The following CD226 variants were observed in gnomAD, a reference collection of about 807,000 sequenced individuals.
CD226 encodes the protein CD226 antigen.
A neutral mutation model predicts 34.9 loss-of-function variants in CD226; 24 were observed. The ratio of observed to expected loss-of-function variants is 0.69; its 90% CI spans 0.50 to 0.97. CD226 has a LOEUF of 0.97. Ranked by LOEUF, CD226 falls within the 50% of genes least tolerant of loss-of-function variation. The pLI, the probability that CD226 is intolerant of heterozygous loss-of-function variation, is 0.00. For synonymous variants in CD226, 148 were observed against 147.4 expected (o/e 1.00, Z -0.03); for missense variants, 397 against 412.7 (o/e 0.96, Z 0.33).
At chr18:69,951,802 G>T (rs377065980), upstream of CD226, among the ~76,000 whole-genome samples, 15 of 152,308 alleles carry the variant, frequency 9.8e-5, no homozygotes, top group East Asian at 1.9e-3. Flanking sequence ...GTGGAGGAAA[G>T]AGAACATTTA....
intron 3 of CD226, among the ~76,000 whole-genome samples, chr18:69,877,960 C>A (rs926863885): frequency 6.6e-6 from 1 of 152,206 alleles, no homozygotes; most frequent in African/African-American, 2.4e-5. Flanking sequence ...GCCTTGCCTG[C>A]AGCTTCCACA....
chr18:69,861,540 G>GTATA lies in CD226; in HGVS notation c.*2773_*2774insTATA, dbSNP rs1448988776. ...TATTATCCATCGATATAAATTATATGTGTATATATATATGTATATATATAT... is the reference window on the plus strand; with the variant it reads ...TATTATCCATCGATATAAATTATATGTATATGTATATATATATGTATATATATAT... On this transcript the variant is annotated 3_prime_UTR_variant, in exon 6 of 6. Transcript: ENST00000582621. The GTATA allele has an allele frequency of 2.2e-5, 1 of 45,800 alleles. No individual in the cohort carries two copies. The highest frequency in any genetic ancestry group is 1.1e-3 in the South Asian group (1 of 950). 2.8% of individuals were successfully genotyped at this position (45,800 alleles called of 1,614,324 possible).
chr18:69,918,790 C>T (rs959861607), intron 2 of CD226, among the ~76,000 whole-genome samples: 1 of 152,096 alleles, frequency 6.6e-6, no homozygotes, highest in African/African-American at 2.4e-5. Context: ...GCATCCAGGG[C>T]ACTTATAGAC....
intron 3 of CD226, among the ~76,000 whole-genome samples, chr18:69,875,080 T>C (rs1983780114): frequency 6.6e-6 from 1 of 152,224 alleles, no homozygotes; most frequent in Non-Finnish European, 1.5e-5. Context: ...CCTCATTTCC[T>C]TTGTATATAA....
In CD226 at chr18:69,873,509, C is replaced by T. The variant is rs1437565346; in HGVS notation, c.728-263G>A. Among the ~76,000 whole-genome samples, 8 of 151,534 alleles carry T rather than the reference C, an allele frequency of 5.3e-5. No individual in the cohort carries two copies. In the East Asian group the frequency reaches 9.6e-4, roughly 18 times the overall value. ...AAAAAAAAAAAATATAAAGAGCATG[C>T]GTTTGCCAAAGACCTCATTCAAATA... is the stretch of plus-strand genomic sequence containing the variant. On this transcript the variant is annotated intron_variant, in intron 3 of 5. Coordinates refer to ENST00000582621, the MANE Select transcript of CD226 (RefSeq NM_001303618.2).
At chr18:69,961,725 A>C (rs1308946762), upstream of CD226, 2 of 152,136 alleles carry the variant, frequency 1.3e-5, no homozygotes, top group Non-Finnish European at 2.9e-5. Context: ...GTACTTACAC[A>C]CACACCTTAA....
upstream of CD226, among the ~76,000 whole-genome samples, chr18:69,948,468 G>A (rs967555048): frequency 6.6e-5 from 10 of 152,110 alleles, no homozygotes; most frequent in Non-Finnish European, 1.2e-4. Flanking sequence ...ATCTAATGCC[G>A]ACCCTGAACT....
chr18:69,957,905 T>G (rs530460223), upstream of CD226, among the ~76,000 whole-genome samples: 1 of 152,348 alleles, frequency 6.6e-6, no homozygotes, highest in African/African-American at 2.4e-5. Flanking sequence ...GCGTCATTGA[T>G]GACTGCCATT....
chr18:69,864,866 A>C (rs1983039576), intron 5 of CD226, among the ~76,000 whole-genome samples: 1 of 152,244 alleles, frequency 6.6e-6, no homozygotes. Flanking sequence ...TAATCAAGTC[A>C]CTTTGACCAC....
At chr18:69,907,927 T>A (rs2055276500) in intron 2 of CD226, among the ~76,000 whole-genome samples, 1 of 152,208 alleles carries the variant, frequency 6.6e-6, no homozygotes, top group African/African-American at 2.4e-5. Context: ...TTATTACACA[T>A]TATATTTATA....
rs1009680245 is a variant in CD226, at chr18:69,859,099, G to A, written c.*5215C>T. The A allele has an allele frequency of 2.6e-5, 4 of 151,884 alleles. No homozygotes were observed. Among genetic ancestry groups the A allele is most frequent in the Non-Finnish European group, 4.4e-5 (3 of 68,014 alleles). The allele number at this position is 151,884 out of a possible 1,614,324, so 9.4% of individuals were successfully genotyped here. A position where few individuals can be genotyped will look rare whatever the true frequency, so the allele number is the denominator to read the frequency against. The stretch of plus-strand genomic sequence containing the variant: ...GGCACTCGTTAAACATTTACAACAC[G>A]GAAACACATGTCCTTTTGTTCTGGA... On this transcript the variant is annotated 3_prime_UTR_variant, in exon 6 of 6. Coordinates refer to ENST00000582621, the MANE Select transcript of CD226 (RefSeq NM_001303618.2).
At chr18:69,890,982 C>T (rs1267292999) in intron 3 of CD226, among the ~76,000 whole-genome samples, 1 of 144,110 alleles carries the variant, frequency 6.9e-6, no homozygotes, top group East Asian at 2.0e-4. Flanking sequence ...ATGAGACCAG[C>T]ATCACCCTGA....
At chr18:69,954,641 G>C (rs2055881503) in intron 1 of CD226, among the ~76,000 whole-genome samples, 1 of 152,034 alleles carries the variant, frequency 6.6e-6, no homozygotes, top group Admixed American at 6.5e-5. Context: ...AGGAGGACTG[G>C]AAAAGGGGTA....
intron 3 of CD226, among the ~76,000 whole-genome samples, chr18:69,883,685 T>C (rs1310852767): frequency 1.3e-5 from 2 of 152,262 alleles, no homozygotes; most frequent in African/African-American, 4.8e-5. Context: ...TCATTACTTA[T>C]TGCCTACAGA....
intron 2 of CD226, among the ~76,000 whole-genome samples, chr18:69,939,793 T>G (rs79295469): frequency 6.6e-6 from 1 of 152,164 alleles, no homozygotes; most frequent in Admixed American, 6.5e-5. Context: ...TAGGTGAGCC[T>G]AATTCAACAA....
At chr18:69,873,875 TAAATA>T (rs1337319530) in intron 3 of CD226, among the ~76,000 whole-genome samples, 2 of 152,080 alleles carry the variant, frequency 1.3e-5, no homozygotes, top group Non-Finnish European at 2.9e-5. Flanking sequence ...TATGTAAAAA[TAAATA>T]AAATAGTAAA....
intron 2 of CD226, among the ~76,000 whole-genome samples, chr18:69,945,820 G>A (rs1239875133): frequency 3.3e-5 from 5 of 152,148 alleles, no homozygotes; most frequent in Non-Finnish European, 7.3e-5. Context: ...CATGTCTGGG[G>A]AAGCCTCACA....
intron 2 of CD226, among the ~76,000 whole-genome samples, chr18:69,900,493 G>C (rs943558167): frequency 1.3e-5 from 2 of 152,004 alleles, no homozygotes; most frequent in African/African-American, 2.4e-5. Flanking sequence ...AGCACTTTGC[G>C]AGGCCGAGGC....
At chr18:69,866,546 A>T (rs963412829) in intron 5 of CD226, among the ~76,000 whole-genome samples, 1 of 152,168 alleles carries the variant, frequency 6.6e-6, no homozygotes, top group Non-Finnish European at 1.5e-5. Flanking sequence ...ACCTCCAAAG[A>T]TAATAATAAT....
Sources: allele counts gnomAD v4.1 joint callset (sites outside exome capture counted in the v4.1 genomes callset), GRCh38; gene constraint gnomAD v4.1.1; transcripts MANE v1.5; gene names NCBI Gene and HGNC (gene_info 2026-07-23, HGNC 2026-07-21).